The following NEBL variants were observed in gnomAD, a reference collection of about 807,000 sequenced individuals.
The protein encoded by NEBL is nebulette, also known as LIM and SH3 protein 2.
A neutral mutation model predicts 140.2 loss-of-function variants in NEBL; 122 were observed. The observed-to-expected ratio is 0.87, with a 90% CI of 0.75 to 1.01. The LOEUF (loss-of-function observed/expected upper bound fraction) is 1.01, where lower values mean the gene tolerates loss of function less well. Among genes scored for constraint, NEBL ranks in the 50% least tolerant of loss-of-function variants. NEBL has a pLI of 0.00. For synonymous variants in NEBL, 436 were observed against 398.9 expected (o/e 1.09, Z -1.11); for missense variants, 1,365 against 1,231.3 (o/e 1.11, Z -1.62).
intron 2 of NEBL, among the ~76,000 whole-genome samples, chr10:21,049,366 G>T (rs1834664314): frequency 6.6e-6 from 1 of 152,166 alleles, no homozygotes; most frequent in South Asian, 2.1e-4. Context: ...CATTTTTGGA[G>T]AAGAAAGTTT....
chr10:20,826,328 A>G (rs1839859540), intron 18 of NEBL, 119 bp downstream of exon 18: 2 of 807,828 alleles, frequency 2.5e-6, no homozygotes, highest in East Asian at 2.5e-5. Context: ...ATGAAATAGC[A>G]TTTCAATAAA....
At chr10:20,898,782 C>A (rs146491098), upstream of NEBL, among the ~76,000 whole-genome samples, 83 of 152,268 alleles carry the variant, frequency 5.5e-4, 1 homozygote, top group African/African-American at 1.8e-3. Context: ...TTAATCTAAT[C>A]TACCTACCTA....
chr10:20,847,064 T>C (rs2131021793), intron 11 of NEBL, among the ~76,000 whole-genome samples: 1 of 152,276 alleles, frequency 6.6e-6, no homozygotes, highest in East Asian at 1.9e-4. Flanking sequence ...AGTTTACCTG[T>C]AAGAGGTTCC....
At chr10:20,903,067 A>T (rs543223374) in intron 4 of NEBL, among the ~76,000 whole-genome samples, 1 of 152,334 alleles carries the variant, frequency 6.6e-6, no homozygotes, top group Admixed American at 6.5e-5. Flanking sequence ...AGTAGCCCCC[A>T]GACCTTATCC....
intron 1 of NEBL, among the ~76,000 whole-genome samples, chr10:21,276,163 C>A (rs774756866): frequency 6.6e-6 from 1 of 151,488 alleles, no homozygotes; most frequent in Non-Finnish European, 1.5e-5. Flanking sequence ...GTGGAGACAG[C>A]GTTCCACCAT....
intron 2 of NEBL, among the ~76,000 whole-genome samples, chr10:21,065,921 C>T (rs770765530): frequency 6.6e-6 from 1 of 152,310 alleles, no homozygotes; most frequent in Admixed American, 6.5e-5. Flanking sequence ...GACAGGCAAC[C>T]TTTCTAGTCT....
In NEBL at chr10:20,897,179, T is replaced by G. The variant is rs536400111; in HGVS notation, c.27A>C (p.Ile9=). MRVPVFED[I]KDETEEEKIG... ...TCTTTTCTTCTTCAGTTTCATCTTT[T>G]ATATCCTCAAATACAGGGACCCTCA... The change falls in exon 1 of 28, where the codon ATA becomes ATC. Residue 9 remains isoleucine (I), a synonymous_variant. Transcript: ENST00000377122. 2.1e-4 allele frequency: 345 copies of G among 1,605,464 alleles called. No homozygotes were observed. Among genetic ancestry groups the G allele is most frequent in the Non-Finnish European group, 2.3e-4 (270 of 1,173,396 alleles).
At chr10:21,263,782 T>C (rs1183400094) in intron 1 of NEBL, among the ~76,000 whole-genome samples, 2 of 152,046 alleles carry the variant, frequency 1.3e-5, no homozygotes, top group Non-Finnish European at 2.9e-5. Context: ...CTGGGCAACA[T>C]GGCGAAACCC....
intron 1 of NEBL, among the ~76,000 whole-genome samples, chr10:21,253,055 A>G (rs1842607294): frequency 6.6e-6 from 1 of 152,230 alleles, no homozygotes; most frequent in African/African-American, 2.4e-5. Flanking sequence ...TGAGCGCAAG[A>G]GTTCGAGACC....
intron 3 of NEBL, among the ~76,000 whole-genome samples, chr10:20,993,105 G>A (rs1276701541): frequency 6.6e-6 from 1 of 151,986 alleles, no homozygotes; most frequent in Admixed American, 6.6e-5. Context: ...GTCTTTTAGG[G>A]AGTTTTTCAA....
At chr10:21,154,610 AG>A in intron 2 of NEBL, among the ~76,000 whole-genome samples, 1 of 152,212 alleles carries the variant, frequency 6.6e-6, no homozygotes, top group Non-Finnish European at 1.5e-5. Context: ...CAAAACCAGC[AG>A]CACAAACTCT....
At chr10:21,263,503 G>A (rs1464748952) in intron 1 of NEBL, among the ~76,000 whole-genome samples, 1 of 152,180 alleles carries the variant, frequency 6.6e-6, no homozygotes, top group Non-Finnish European at 1.5e-5. Context: ...CCGTGACCAG[G>A]TCACAGTGCT....
rs116618888 is a variant in NEBL, at chr10:21,246,548, C to T, written n.348+1373G>A. On this transcript the variant is annotated intron_variant and non_coding_transcript_variant, in intron 3 of 8. Coordinates refer to the NEBL transcript ENST00000675702. ...CTGTAATCCTAGCACTTTGGGAGGC[C>T]AGTGCAAGAGGATCACTTGAGGCCA... Among the ~76,000 whole-genome samples, 572 of 152,128 alleles carry T rather than the reference C, an allele frequency of 3.8e-3. 6 individuals are homozygous for T. Among genetic ancestry groups the T allele is most frequent in the African/African-American group, 0.013 (546 of 41,492 alleles).
intron 2 of NEBL, among the ~76,000 whole-genome samples, chr10:21,169,064 AAAAATATATATATATAT>A (rs1231626484): frequency 9.5e-5 from 5 of 52,362 alleles, no homozygotes; most frequent in African/African-American, 3.6e-4. Flanking sequence ...AAAAAAAAAA[AAAAATATATATATATAT>A]ATATATATAT....
intron 3 of NEBL, among the ~76,000 whole-genome samples, chr10:21,224,458 G>A (rs183659103): frequency 6.6e-6 from 1 of 152,164 alleles, no homozygotes; most frequent in Admixed American, 6.5e-5. Context: ...GATTCCTCTA[G>A]TTTTGTTCTT....
intron 2 of NEBL, among the ~76,000 whole-genome samples, chr10:21,107,090 G>A (rs1005849822): frequency 2.6e-5 from 4 of 152,080 alleles, no homozygotes; most frequent in East Asian, 3.9e-4. Context: ...GGGCTGAGAC[G>A]ATGGGTTTTT....
chr10:20,845,360 G>A lies in NEBL; in HGVS notation c.1125C>T (p.Tyr375=). 5.1e-6 allele frequency: 8 copies of A among 1,572,082 alleles called. No individual in the cohort carries two copies. The highest frequency in any genetic ancestry group is 6.1e-6 in the Non-Finnish European group (7 of 1,142,628). Residue 375 remains tyrosine, a synonymous_variant, in exon 12 of 28, where the codon TAC becomes TAT. Coordinates refer to ENST00000377122, the MANE Select transcript of NEBL (RefSeq NM_006393.3). ...EAQKMQSEKV[Y]KEDFEKEIKG... Reference sequence around the variant, plus strand: ...TAATCTCCTTCTCAAAATCCTCTTTGTAAACTTTCTGTTAAATAAGACCAC... The same window carrying A: ...TAATCTCCTTCTCAAAATCCTCTTTATAAACTTTCTGTTAAATAAGACCAC...
intron 2 of NEBL, among the ~76,000 whole-genome samples, chr10:21,063,862 T>C (rs566201886): frequency 4.7e-5 from 7 of 149,394 alleles, no homozygotes; most frequent in African/African-American, 1.7e-4. Context: ...AGAGCAAGAG[T>C]ACATCTCAAA....
At chr10:21,149,880 C>A (rs1157296132) in intron 2 of NEBL, among the ~76,000 whole-genome samples, 4 of 152,228 alleles carry the variant, frequency 2.6e-5, no homozygotes, top group Admixed American at 6.5e-5. Context: ...CACTGCAGAA[C>A]TGATCACTTG....
Sources: gnomAD v4.1 joint callset for allele counts (sites outside exome capture counted in the v4.1 genomes callset) on GRCh38, gnomAD v4.1.1 for gene constraint, MANE v1.5 for transcripts, NCBI Gene and HGNC (gene_info 2026-07-23, HGNC 2026-07-21) for gene names.